IL1RAPL2: variants seen among roughly 807,000 people sequenced by gnomAD.
IL1RAPL2 encodes X-linked interleukin-1 receptor accessory protein-like 2.
A neutral mutation model predicts 44.1 loss-of-function variants in IL1RAPL2; 3 were observed. That is an observed-to-expected ratio of 0.07 (90% CI 0.03 to 0.18). IL1RAPL2 has a LOEUF of 0.18. IL1RAPL2 is among the 10% of genes least tolerant of loss of function. IL1RAPL2 has a pLI of 1.00. For synonymous variants in IL1RAPL2, 181 were observed against 178.8 expected (o/e 1.01, Z -0.10); for missense variants, 391 against 496.4 (o/e 0.79, Z 2.02).
intron 5 of IL1RAPL2, among the ~76,000 whole-genome samples, chrX:105,306,223 A>T (rs1434556259): frequency 1.4e-4 from 16 of 111,490 alleles, no homozygotes; most frequent in Non-Finnish European, 3.0e-4. Context: ...AACATATACT[A>T]CATAATGTGT....
intron 6 of IL1RAPL2, among the ~76,000 whole-genome samples, chrX:105,635,116 T>C (rs1397339754): frequency 1.8e-5 from 2 of 111,727 alleles, no homozygotes; most frequent in Admixed American, 1.9e-4. Flanking sequence ...GTAAAGCATA[T>C]GTGGCATGTT....
At chrX:104,587,776 A>C (rs933178994) in intron 1 of IL1RAPL2, among the ~76,000 whole-genome samples, 1 of 112,043 alleles carries the variant, frequency 8.9e-6, no homozygotes. Flanking sequence ...AAGTGACTGC[A>C]TGGGGTATAG....
intron 2 of IL1RAPL2, among the ~76,000 whole-genome samples, chrX:104,758,722 C>T (rs1048651311): frequency 3.6e-5 from 4 of 111,799 alleles, no homozygotes; most frequent in African/African-American, 1.3e-4. Flanking sequence ...AAAATTGGTA[C>T]AGAAATTTAT....
At chrX:105,412,887 ATTGACT>A (rs1385252417) in intron 5 of IL1RAPL2, among the ~76,000 whole-genome samples, 2 of 112,137 alleles carry the variant, frequency 1.8e-5, no homozygotes, top group Non-Finnish European at 3.8e-5. Context: ...ATTTCTTCTA[ATTGACT>A]TTGATTTTTG....
chrX:104,598,124 A>C (rs769919601), intron 1 of IL1RAPL2, among the ~76,000 whole-genome samples: 1 of 112,287 alleles, frequency 8.9e-6, no homozygotes, highest in South Asian at 3.7e-4. Context: ...GGATTAAAGA[A>C]ATTCTTCGTA....
At chrX:105,244,193 A>G (rs1237925690) in intron 4 of IL1RAPL2, among the ~76,000 whole-genome samples, 1 of 109,688 alleles carries the variant, frequency 9.1e-6, no homozygotes, top group Non-Finnish European at 1.9e-5. Context: ...GCCAGAAGGA[A>G]CTCAGTTCTT....
At chrX:105,505,666 C>T (rs1451578849) in intron 6 of IL1RAPL2, among the ~76,000 whole-genome samples, 1 of 111,416 alleles carries the variant, frequency 9.0e-6, no homozygotes, top group East Asian at 2.8e-4. Flanking sequence ...TGTGAAGTGA[C>T]ATCAGAGAGG....
At chrX:105,074,193 C>T (rs1316178678) in intron 2 of IL1RAPL2, among the ~76,000 whole-genome samples, 1 of 111,655 alleles carries the variant, frequency 9.0e-6, no homozygotes, top group Admixed American at 9.6e-5. Context: ...TTTAAGTCTT[C>T]AATCCATCTT....
At chrX:105,339,693 TAGTG>T (rs1013257818) in intron 5 of IL1RAPL2, among the ~76,000 whole-genome samples, 3 of 111,408 alleles carry the variant, frequency 2.7e-5, no homozygotes, top group Admixed American at 9.6e-5. Context: ...AAAGGAAACT[TAGTG>T]AGGGAGGCTT....
rs1240590677 is a variant in IL1RAPL2 at position 104,999,906 on chromosome X, TC to T, written c.83-195567del. Among the ~76,000 whole-genome samples the T allele has an allele frequency of 3.6e-5, 4 of 111,457 alleles. No homozygotes were observed. The East Asian group carries it at 1.1e-3, about 32-fold the overall frequency. ...GTTTCCAATTTCTTACTTAGTACTT[TC>T]CATTTAATCTTTCACTTCAACATTA... is the stretch of plus-strand genomic sequence containing the variant. On this transcript the variant is annotated intron_variant, in intron 2 of 10. Coordinates refer to ENST00000372582, the MANE Select transcript of IL1RAPL2 (RefSeq NM_017416.2).
At chrX:105,250,402 A>G (rs2034259269) in intron 4 of IL1RAPL2, among the ~76,000 whole-genome samples, 2 of 111,273 alleles carry the variant, frequency 1.8e-5, no homozygotes, top group Non-Finnish European at 3.8e-5. Flanking sequence ...ATAACAATCT[A>G]TAAATATTCG....
At chrX:104,892,834 G>A (rs894148176) in intron 2 of IL1RAPL2, among the ~76,000 whole-genome samples, 20 of 111,550 alleles carry the variant, frequency 1.8e-4, no homozygotes, top group Non-Finnish European at 3.2e-4. Context: ...CCTTCTGCTA[G>A]CTTTTGAATG....
chrX:104,860,916 C>A (rs1034432859), intron 2 of IL1RAPL2, among the ~76,000 whole-genome samples: 1 of 111,262 alleles, frequency 9.0e-6, no homozygotes, highest in Non-Finnish European at 1.9e-5. Flanking sequence ...TCCAGAGGTC[C>A]TGATTCTTGG....
At chrX:104,832,130 C>A (rs1814591098) in intron 2 of IL1RAPL2, among the ~76,000 whole-genome samples, 1 of 111,737 alleles carries the variant, frequency 8.9e-6, no homozygotes, top group South Asian at 3.7e-4. Flanking sequence ...CTCTTGGATA[C>A]ATACTGCTTT....
chrX:105,747,492 A>ATGTG (rs748769479), intron 8 of IL1RAPL2, among the ~76,000 whole-genome samples: 618 of 59,571 alleles, frequency 0.01, 5 homozygotes, highest in Middle Eastern at 0.04. Context: ...GTGTGTGTGT[A>ATGTG]TGTGTGTGTG....
intron 5 of IL1RAPL2, among the ~76,000 whole-genome samples, chrX:105,325,370 C>A (rs779650729): frequency 9.1e-6 from 1 of 109,608 alleles, no homozygotes; most frequent in East Asian, 2.8e-4. Context: ...TAGCATGTAT[C>A]GGTATTGCAT....
At chrX:105,295,647 A>G (rs922898862) in intron 5 of IL1RAPL2, among the ~76,000 whole-genome samples, 1 of 112,248 alleles carries the variant, frequency 8.9e-6, no homozygotes, top group Non-Finnish European at 1.9e-5. Flanking sequence ...CTATAGAGTG[A>G]TAAGAAAAAG....
intron 1 of IL1RAPL2, among the ~76,000 whole-genome samples, chrX:104,636,564 T>G (rs1929812800): frequency 8.9e-6 from 1 of 111,918 alleles, no homozygotes; most frequent in Admixed American, 9.4e-5. Flanking sequence ...CCCCCAGCCT[T>G]GCTGCCACCT....
intron 6 of IL1RAPL2, among the ~76,000 whole-genome samples, chrX:105,670,900 T>TTA (rs1016921700): frequency 1.3e-3 from 135 of 106,889 alleles, no homozygotes; most frequent in Middle Eastern, 4.7e-3. Flanking sequence ...TGTATATATA[T>TTA]TATATATATA....
Sources: gnomAD v4.1 joint callset for allele counts (sites outside exome capture counted in the v4.1 genomes callset) on GRCh38, gnomAD v4.1.1 for gene constraint, MANE v1.5 for transcripts, NCBI Gene and HGNC (gene_info 2026-07-23, HGNC 2026-07-21) for gene names.